The following CFAP47 variants were observed in gnomAD, a reference collection of about 807,000 sequenced individuals.
CFAP47 encodes the protein cilia and flagella associated protein 47.
In CFAP47, 29 loss-of-function variants were observed where a neutral mutation model predicts 148.1. That is an observed-to-expected ratio of 0.20 (90% CI 0.15 to 0.27). The LOEUF is 0.27. Ranked by LOEUF, CFAP47 falls within the 10% of genes least tolerant of loss-of-function variation. The pLI is 1.00. For missense variants in CFAP47, 1,872 were observed against 1,697.5 expected, an observed-to-expected ratio of 1.10 and a Z score of -1.81; for synonymous variants, 664 against 577.3, an observed-to-expected ratio of 1.15 and a Z score of -2.15.
chrX:36,365,190 A>G (rs1354959339), intron 61 of CFAP47, among the ~76,000 whole-genome samples: 1 of 109,536 alleles, frequency 9.1e-6, no homozygotes, highest in Non-Finnish European at 1.9e-5. Context: ...TGAAAGAGGT[A>G]TAGGTTTAAA....
intron 15 of CFAP47, among the ~76,000 whole-genome samples, chrX:35,980,487 A>G (rs373802554): frequency 9.6e-4 from 107 of 111,554 alleles, no homozygotes; most frequent in African/African-American, 3.4e-3. Flanking sequence ...CCGTAACCTG[A>G]CTTTTACATA....
intron 7 of CFAP47, among the ~76,000 whole-genome samples, chrX:35,954,364 A>G (rs773926691): frequency 7.2e-5 from 8 of 111,446 alleles, no homozygotes; most frequent in African/African-American, 2.6e-4. Context: ...AATGAACTAT[A>G]CCAAGGAGGG....
intron 57 of CFAP47, among the ~76,000 whole-genome samples, chrX:36,324,869 A>G (rs1941505356): frequency 8.9e-6 from 1 of 111,791 alleles, no homozygotes; most frequent in African/African-American, 3.2e-5. Flanking sequence ...TTTTAATTTT[A>G]TAAACTAAAA....
intron 31 of CFAP47, 112 bp from the exon 32 acceptor site, chrX:36,099,639 A>C: frequency 7.7e-6 from 3 of 389,548 alleles, no homozygotes; most frequent in Non-Finnish European, 1.4e-5. Context: ...ATTGCAAATT[A>C]GAGCTCTTGA....
chrX:35,943,245 T>A (rs1156505369), intron 3 of CFAP47, among the ~76,000 whole-genome samples: 1 of 112,042 alleles, frequency 8.9e-6, no homozygotes, highest in Non-Finnish European at 1.9e-5. Flanking sequence ...ATAACATTTT[T>A]AAAAAACATT....
intron 7 of CFAP47, among the ~76,000 whole-genome samples, chrX:35,954,583 T>C (rs1367628046): frequency 8.9e-6 from 1 of 111,883 alleles, no homozygotes. Flanking sequence ...CAGTTTTGAA[T>C]AGCCAGGGAT....
At chrX:36,000,752 AT>A (rs1010786902) in intron 20 of CFAP47, among the ~76,000 whole-genome samples, 1 of 111,840 alleles carries the variant, frequency 8.9e-6, no homozygotes, top group Non-Finnish European at 1.9e-5. Flanking sequence ...TTGCTCAATA[AT>A]TTTAGATAAA....
At chrX:35,950,331 G>T (rs1173014461) in intron 4 of CFAP47, among the ~76,000 whole-genome samples, 1 of 111,729 alleles carries the variant, frequency 9.0e-6, no homozygotes, top group Non-Finnish European at 1.9e-5. Context: ...TGAAGTTAAT[G>T]GGGAAATGTT....
chrX:35,939,796 T>C (rs1601887974), intron 2 of CFAP47, among the ~76,000 whole-genome samples: 1 of 99,287 alleles, frequency 1.0e-5, no homozygotes, highest in East Asian at 3.2e-4. Context: ...TTATAGTCCT[T>C]TGGGTATATA....
At chrX:36,007,776 C>T (rs1249013318) in intron 21 of CFAP47, among the ~76,000 whole-genome samples, 1 of 111,683 alleles carries the variant, frequency 9.0e-6, no homozygotes, top group African/African-American at 3.3e-5. Context: ...TTCACCTATA[C>T]CTACTTGATA....
intron 32 of CFAP47, 23 bp from the exon 33 acceptor site, chrX:36,104,474 TAA>T (rs1159264227): frequency 5.7e-5 from 34 of 594,517 alleles, no homozygotes; most frequent in Non-Finnish European, 8.4e-5. Flanking sequence ...TTGCATCTAA[TAA>T]AAGTTATCTC....
chrX:36,022,500 TC>T (rs1937171356), intron 22 of CFAP47, among the ~76,000 whole-genome samples: 1 of 110,894 alleles, frequency 9.0e-6, no homozygotes, highest in Admixed American at 9.6e-5. Flanking sequence ...AACTTGGATA[TC>T]TATATATCTT....
In CFAP47 at chrX:36,301,127, A is replaced by G. The variant is rs1318068314; in HGVS notation, c.7918A>G (p.Ile2640Val). ...GTTCTGGTATTTACTGAAGTTAACTATTGAATTACCAAAACCAACCACAAT... is the reference window on the plus strand; with the variant it reads ...GTTCTGGTATTTACTGAAGTTAACTGTTGAATTACCAAAACCAACCACAAT... Reference protein sequence around the residue: ...EEFWYLLKLTIELPKPTTMPE... With the variant: ...EEFWYLLKLTVELPKPTTMPE... Residue 2640 changes from isoleucine to valine, a missense_variant, in exon 53 of 64, where the codon ATT becomes GTT. Ile to Val is a conservative substitution (Grantham distance 29). Transcript: ENST00000378653. The G allele has an allele frequency of 8.6e-7, 1 of 1,161,661 alleles. No homozygotes were observed. Among genetic ancestry groups the G allele is most frequent in the Non-Finnish European group, 1.2e-6 (1 of 868,263 alleles).
At chrX:36,382,980 CTTTTA>C (rs1942092113) in intron 63 of CFAP47, among the ~76,000 whole-genome samples, 1 of 110,450 alleles carries the variant, frequency 9.1e-6, no homozygotes, top group Admixed American at 9.7e-5. Flanking sequence ...TGGATAGTTG[CTTTTA>C]TTTATGGTTA....
intron 45 of CFAP47, among the ~76,000 whole-genome samples, chrX:36,218,027 T>C (rs1278667287): frequency 8.9e-6 from 1 of 112,269 alleles, no homozygotes; most frequent in Non-Finnish European, 1.9e-5. Flanking sequence ...TCCATTATTT[T>C]AAGTCCTAGA....
chrX:36,371,673 TGTGTATATATGTGTGTATATACACAC>T lies in CFAP47; in HGVS notation c.9185+4547_9185+4572del, dbSNP rs1556021509. On this transcript the variant is annotated intron_variant, in intron 62 of 63. Transcript: ENST00000378653. ...GTATATATGTGTGTATATACACACA[TGTGTATATATGTGTGTATATACACAC>T]ATGTGTATATATGTGTGTATATACA... Among the ~76,000 whole-genome samples the T allele has an allele frequency of 1.7e-3, 128 of 74,013 alleles. 12 individuals carry two copies. Among genetic ancestry groups the T allele is most frequent in the African/African-American group, 7.9e-3 (117 of 14,885 alleles). The allele number at this position is 74,013 out of a possible 115,157, so 64.3% of individuals were successfully genotyped here.
At chrX:36,334,594 C>T (rs782411701) in intron 57 of CFAP47, among the ~76,000 whole-genome samples, 68 of 110,571 alleles carry the variant, frequency 6.1e-4, no homozygotes, top group African/African-American at 2.0e-3. Flanking sequence ...TTGAGTACTC[C>T]GATTCCAAAC....
chrX:36,320,340 C>A (rs1305687077), intron 57 of CFAP47, among the ~76,000 whole-genome samples: 1 of 111,794 alleles, frequency 8.9e-6, no homozygotes, highest in African/African-American at 3.2e-5. Flanking sequence ...AAATAAATAA[C>A]CACTACTAAC....
intron 27 of CFAP47, among the ~76,000 whole-genome samples, chrX:36,066,080 A>G (rs1937636530): frequency 8.9e-6 from 1 of 112,036 alleles, no homozygotes. Flanking sequence ...ATCAGTGTTT[A>G]GAAAGGGAAC....
Sources: allele counts gnomAD v4.1 joint callset (sites outside exome capture counted in the v4.1 genomes callset), GRCh38; gene constraint gnomAD v4.1.1; transcripts MANE v1.5; gene names NCBI Gene and HGNC (gene_info 2026-07-23, HGNC 2026-07-21).